Variants in IFT122 observed in about 807,000 individuals in gnomAD.
The protein encoded by IFT122 is intraflagellar transport protein 122 homolog.
Under a neutral mutation model 161.6 loss-of-function variants are expected in IFT122, and 118 were observed. The ratio of observed to expected loss-of-function variants is 0.73; its 90% CI spans 0.63 to 0.85. IFT122 has a LOEUF of 0.85. IFT122 is among the 40% of genes least tolerant of loss of function. The pLI, the probability that IFT122 is intolerant of heterozygous loss-of-function variation, is 0.00. For missense variants in IFT122, 1,381 were observed against 1,579.6 expected, an observed-to-expected ratio of 0.87 and a Z score of 2.13; for synonymous variants, 550 against 602.4, an observed-to-expected ratio of 0.91 and a Z score of 1.27.
In IFT122 at chr3:129,463,645, A is replaced by T. The variant is rs1476240813; in HGVS notation, c.416+19A>T. ...GCTGCAGGTAAGTGCAGCTCTGACG[A>T]TAAGATTTATGTTCCTTCATCTTCC... is the stretch of plus-strand genomic sequence containing the variant. On this transcript the variant is annotated intron_variant, in intron 6 of 29. Transcript: ENST00000348417. 2 of 1,591,732 alleles carry T rather than the reference A, an allele frequency of 1.3e-6. No individual in the cohort carries two copies. The highest frequency in any genetic ancestry group is 1.7e-6 in the Non-Finnish European group (2 of 1,160,046).
chr3:129,512,772 A>AGT (rs1474974388), intron 24 of IFT122: 4 of 360,468 alleles, frequency 1.1e-5, no homozygotes, highest in Non-Finnish European at 2.1e-5. Flanking sequence ...GGGAGGAGGG[A>AGT]GTGTTTGTTC....
chr3:129,477,986 G>T, intron 11 of IFT122, 30 bp from the exon 12 acceptor site: 1 of 1,590,794 alleles, frequency 6.3e-7, no homozygotes, highest in African/African-American at 1.3e-5. Flanking sequence ...ACAACCTCTT[G>T]CTAGAACTAG....
rs958580938 is a variant in IFT122, at chr3:129,464,902, C to A, written c.563+121C>A. On this transcript the variant is annotated intron_variant, in intron 7 of 29. Transcript: ENST00000348417. ...CTCACTTGAATGGTCTGTTTTAGAA[C>A]CTGTCCCATTTGTATGGATTTTTTT... is the stretch of plus-strand genomic sequence containing the variant. 5.3e-6 allele frequency: 6 copies of A among 1,127,854 alleles called. No individual in the cohort carries two copies. The Admixed American group carries it at 7.3e-5, about 14-fold the overall frequency. 69.9% of individuals were successfully genotyped at this position (1,127,854 alleles called of 1,614,324 possible).
chr3:129,488,191 A>G, intron 15 of IFT122, 66 bp from the exon 16 acceptor site: 4 of 1,612,510 alleles, frequency 2.5e-6, no homozygotes, highest in Non-Finnish European at 3.4e-6. Context: ...CAGGCTCTGT[A>G]TGCATCTGGT....
chr3:129,469,559 T>C, intron 9 of IFT122, 142 bp downstream of exon 9: 1 of 724,494 alleles, frequency 1.4e-6, no homozygotes, highest in Non-Finnish European at 2.5e-6. Context: ...CTGTGCTCAC[T>C]GCTTTGCATA....
chr3:129,481,860 C>T (rs2078690069), intron 14 of IFT122, among the ~76,000 whole-genome samples, 166 bp downstream of exon 14: 1 of 152,254 alleles, frequency 6.6e-6, no homozygotes, highest in South Asian at 2.1e-4. Context: ...CCACAACCTG[C>T]TCCTCCCACA....
At chr3:129,462,055 A>T (rs1347858508) in intron 5 of IFT122, among the ~76,000 whole-genome samples, 1 of 152,194 alleles carries the variant, frequency 6.6e-6, no homozygotes, top group Non-Finnish European at 1.5e-5. Context: ...TCCCTTATCT[A>T]AAAGGAGCAT....
At chr3:129,450,018 T>C in intron 2 of IFT122, 81 bp downstream of exon 2, 2 of 953,658 alleles carry the variant, frequency 2.1e-6, no homozygotes, top group Non-Finnish European at 3.4e-6. Context: ...ACCCTTTTTT[T>C]TTTTTTTTGA....
chr3:129,480,529 C>G (rs956257216), intron 13 of IFT122, among the ~76,000 whole-genome samples: 2 of 152,246 alleles, frequency 1.3e-5, no homozygotes, highest in African/African-American at 4.8e-5. Context: ...ATTAGCCTGA[C>G]AGCCAAGCTG....
chr3:129,504,937 T>C (rs1168633414), intron 21 of IFT122, among the ~76,000 whole-genome samples: 1 of 152,190 alleles, frequency 6.6e-6, no homozygotes, highest in African/African-American at 2.4e-5. Context: ...ACTCAGCTTC[T>C]ATTTCTGGCT....
At chr3:129,501,695 T>C (rs77984161) in intron 19 of IFT122, among the ~76,000 whole-genome samples, 1,642 of 152,338 alleles carry the variant, frequency 0.011, 34 homozygotes, top group African/African-American at 0.036. Context: ...CTGCTTGCTT[T>C]CCAGATGTGG....
At chr3:129,508,244 C>G (rs767825110) in intron 23 of IFT122, among the ~76,000 whole-genome samples, 1 of 152,212 alleles carries the variant, frequency 6.6e-6, no homozygotes, top group African/African-American at 2.4e-5. Flanking sequence ...CCAAGTAGTT[C>G]TTTTTAGTCA....
At chr3:129,470,943 G>A (rs2077308434) in intron 9 of IFT122, among the ~76,000 whole-genome samples, 1 of 152,242 alleles carries the variant, frequency 6.6e-6, no homozygotes. Flanking sequence ...TAAGTATTCA[G>A]GAGCCATAGG....
intron 7 of IFT122, among the ~76,000 whole-genome samples, chr3:129,466,345 A>G (rs1169527121): frequency 6.6e-6 from 1 of 152,044 alleles, no homozygotes; most frequent in South Asian, 2.1e-4. Flanking sequence ...AGCCTGCCCC[A>G]GAGTTCCTGC....
intron 3 of IFT122, among the ~76,000 whole-genome samples, chr3:129,456,496 G>A (rs191789951): frequency 7.4e-5 from 11 of 148,826 alleles, no homozygotes; most frequent in Admixed American, 7.3e-4. Context: ...AATTAGCTGG[G>A]CATGGTGGTG....
At chr3:129,502,936 A>G in intron 20 of IFT122, 54 bp downstream of exon 20, 1 of 1,579,270 alleles carries the variant, frequency 6.3e-7, no homozygotes, top group Non-Finnish European at 8.6e-7. Flanking sequence ...CCTGGGACAC[A>G]GGCGGGTGGG....
intron 2 of IFT122, among the ~76,000 whole-genome samples, chr3:129,450,781 C>T (rs1455283319): frequency 2.1e-5 from 3 of 140,502 alleles, no homozygotes; most frequent in South Asian, 2.3e-4. Context: ...AGTGCAGTGA[C>T]GCGATCTCGG....
At chr3:129,484,680 T>C (rs2079071655) in intron 15 of IFT122, among the ~76,000 whole-genome samples, 1 of 152,220 alleles carries the variant, frequency 6.6e-6, no homozygotes, top group African/African-American at 2.4e-5. Context: ...GCCCCATCAC[T>C]GTCTATGAAG....
At position 129,481,520 on chromosome 3, in the gene IFT122, A is replaced by G. The variant is rs1314371468; in HGVS notation, c.1489-10A>G. On this transcript the variant is annotated splice_polypyrimidine_tract_variant and intron_variant, in intron 13 of 29. Transcript: ENST00000348417. ...GGTGACTGACACTGTTTTCGCTGAA[A>G]TTTTGCCAGATCCTGAAGATCTTCG... The G allele has an allele frequency of 6.5e-7, 1 of 1,532,114 alleles. No individual in the cohort carries two copies. Among genetic ancestry groups the G allele is most frequent in the Non-Finnish European group, 9.0e-7 (1 of 1,106,638 alleles). 94.9% of individuals were successfully genotyped at this position (1,532,114 alleles called of 1,614,324 possible). A position where few individuals can be genotyped will look rare whatever the true frequency, so the allele number is the denominator to read the frequency against.
Sources: gnomAD v4.1 joint callset for allele counts (sites outside exome capture counted in the v4.1 genomes callset) on GRCh38, gnomAD v4.1.1 for gene constraint, MANE v1.5 for transcripts, NCBI Gene and HGNC (gene_info 2026-07-23, HGNC 2026-07-21) for gene names.